PINK1: variants seen among roughly 807,000 people sequenced by gnomAD.
PINK1 encodes PTEN induced kinase 1, also known as serine/threonine-protein kinase PINK1, mitochondrial.
PINK1 carries 58 observed loss-of-function variants against 56.0 expected under a neutral mutation model. That is an observed-to-expected ratio of 1.04 (90% CI 0.84 to 1.29). PINK1 has a LOEUF of 1.29. PINK1 is among the 50% of genes most tolerant of loss of function. PINK1 has a pLI of 0.00. For synonymous variants in PINK1, 354 were observed against 339.3 expected, an observed-to-expected ratio of 1.04 and a Z score of -0.48; for missense variants, 745 against 777.9, an observed-to-expected ratio of 0.96 and a Z score of 0.50.
At chr1:20,645,061 T>C (rs1295967256) in intron 4 of PINK1, among the ~76,000 whole-genome samples, 2 of 152,264 alleles carry the variant, frequency 1.3e-5, no homozygotes, top group Middle Eastern at 3.4e-3. Context: ...TTACTTTGAA[T>C]ATAGGGAGCC....
chr1:20,650,382 G>A (rs562390614), intron 7 of PINK1, 52 bp from the exon 8 acceptor site: 1 of 1,609,978 alleles, frequency 6.2e-7, no homozygotes, highest in African/African-American at 1.3e-5. Flanking sequence ...CAGGCTTTGG[G>A]TTGAGACTGT....
In PINK1 at chr1:20,637,997, C is replaced by T. The variant is rs766307462; in HGVS notation, c.543C>T (p.Asn181=). 6.2e-7 allele frequency: 1 copy of T among 1,614,168 alleles called. No homozygotes were observed. The highest frequency in any genetic ancestry group is 1.7e-5 in the Admixed American group (1 of 60,016). Residue 181 remains asparagine (N), a synonymous_variant, in exon 2 of 8, where the codon AAC becomes AAT. Transcript: ENST00000321556. ...YEATMPTLPQ[N]LEVTKSTGLL... The stretch of plus-strand genomic sequence containing the variant: ...CCACCATGCCTACATTGCCCCAGAA[C>T]CTGGAGGTGACAAAGAGCACCGGGT...
intron 5 of PINK1, among the ~76,000 whole-genome samples, chr1:20,647,099 C>T (rs533059890): frequency 2.1e-5 from 3 of 140,444 alleles, no homozygotes; most frequent in African/African-American, 7.9e-5. Context: ...CTCTGTCACC[C>T]AGGCTGGAGT....
rs759849441 is a variant in PINK1 at position 20,638,004 on chromosome 1, G to C, written c.550G>C (p.Val184Leu). 1.2e-6 allele frequency: 2 copies of C among 1,614,174 alleles called. No individual in the cohort carries two copies. The highest frequency in any genetic ancestry group is 3.3e-5 in the Admixed American group (2 of 60,028). The change falls in exon 2 of 8, where the codon GTG (valine) becomes CTG (leucine). Residue 184 changes from valine to leucine, a missense_variant. Transcript: ENST00000321556. The stretch of plus-strand genomic sequence containing the variant: ...GCCTACATTGCCCCAGAACCTGGAG[G>C]TGACAAAGAGCACCGGGTTGCTTCC... The part of the protein sequence containing the change: ...TMPTLPQNLE[V>L]TKSTGLLPGR...
chr1:20,641,896 C>G lies in PINK1; in HGVS notation c.776+1904C>G, dbSNP rs192356923. 4.4e-4 allele frequency among the ~76,000 whole-genome samples: 67 copies of G among 152,292 alleles called. No individual in the cohort carries two copies. Among genetic ancestry groups the G allele is most frequent in the Non-Finnish European group, 8.1e-4 (55 of 68,024 alleles). On this transcript the variant is annotated intron_variant, in intron 3 of 7. Coordinates refer to ENST00000321556, the MANE Select transcript of PINK1 (RefSeq NM_032409.3). The surrounding 1 kb of genome is among the most constrained non-coding windows in gnomAD (Gnocchi z 4.0). ...CATTTCAGGTCTCAGTTCAGACACC[C>G]GCAACCCCACCATGTATCTCCCCAG...
At position 20,651,372 on chromosome 1, in the gene PINK1, CTGAAGG is replaced by C. The variant is rs2053275481; in HGVS notation, c.*685_*690del. ...TGGCTTTAAGAATGATTCTTATACT[CTGAAGG>C]TGAGAATATTTTGTGGGCAGGTATC... On this transcript the variant is annotated 3_prime_UTR_variant, in exon 8 of 8. Coordinates refer to ENST00000321556, the MANE Select transcript of PINK1 (RefSeq NM_032409.3). 6.6e-6 allele frequency: 1 copy of C among 152,038 alleles called. No individual in the cohort carries two copies. The highest frequency in any genetic ancestry group is 2.1e-4 in the South Asian group (1 of 4,828). The allele number at this position is 152,038 out of a possible 1,614,324, so 9.4% of individuals were successfully genotyped here. A position where few individuals can be genotyped will look rare whatever the true frequency, so the allele number is the denominator to read the frequency against.
chr1:20,637,457 G>A (rs2053067823), intron 1 of PINK1, among the ~76,000 whole-genome samples: 1 of 152,264 alleles, frequency 6.6e-6, no homozygotes, highest in South Asian at 2.1e-4. Context: ...ACACACTCCT[G>A]CTAGTTGCCC....
chr1:20,645,845 C>G, intron 5 of PINK1, 122 bp downstream of exon 5: 1 of 1,331,876 alleles, frequency 7.5e-7, no homozygotes, highest in Non-Finnish European at 1.1e-6. Flanking sequence ...TTATTTAGCT[C>G]CGCACACAAG....
At chr1:20,650,391 G>T in intron 7 of PINK1, 43 bp from the exon 8 acceptor site, 1 of 1,611,720 alleles carries the variant, frequency 6.2e-7, no homozygotes, top group South Asian at 1.1e-5. Flanking sequence ...GGTTGAGACT[G>T]TGTTAACAGA....
Position 20,644,593 on chromosome 1 carries a change from G to A in PINK1, c.880G>A (p.Asp294Asn), listed in dbSNP as rs373473255. ...GCCGCTGCTGCCAGGGGCCCTGGTC[G>A]ACTACCCTGATGTGCTGCCCTCACG... is the stretch of plus-strand genomic sequence containing the variant. The part of the protein sequence containing the change: ...SVPLLPGALV[D>N]YPDVLPSRLH... The change falls in exon 4 of 8, where the codon GAC (aspartate) becomes AAC (asparagine). Residue 294 changes from aspartate (D) to asparagine (N), a missense_variant. Coordinates refer to ENST00000321556, the MANE Select transcript of PINK1 (RefSeq NM_032409.3). 12 of 1,614,080 alleles carry A rather than the reference G, an allele frequency of 7.4e-6. No individual in the cohort carries two copies. The highest frequency in any genetic ancestry group is 2.7e-5 in the African/African-American group (2 of 74,932).
chr1:20,645,622 T>C lies in PINK1; in HGVS notation c.1022T>C (p.Met341Thr), dbSNP rs1244021484. ...ACACCCAGCCCCCGCCTCGCCGCCA[T>C]GATGCTGCTGCAGCTGCTGGAAGGC... ...VNTPSPRLAA[M>T]MLLQLLEGVD... The change falls in exon 5 of 8, where the codon ATG becomes ACG. Residue 341 changes from methionine to threonine, a missense_variant. Coordinates refer to ENST00000321556, the MANE Select transcript of PINK1 (RefSeq NM_032409.3). The C allele has an allele frequency of 6.2e-7, 1 of 1,614,022 alleles. No individual in the cohort carries two copies. The highest frequency in any genetic ancestry group is 1.7e-5 in the Admixed American group (1 of 60,012).
Position 20,633,702 on chromosome 1 carries a change from CCGGGCGCGGAGCCTCGCAGGGT to C in PINK1, c.160_181del (p.Ala54SerfsTer46). On this transcript the variant is annotated frameshift_variant, in exon 1 of 8. Transcript: ENST00000321556. LOFTEE classifies it high-confidence loss of function. ...GGAGCGTCCAGGCTGGGCCGCAGGACCGGGCGCGGAGCCTCGCAGGGTCGGGCTCGGGCTCCCTAACCGTCTC... is the reference window on the plus strand; with the variant it reads ...GGAGCGTCCAGGCTGGGCCGCAGGACCGGGCTCGGGCTCCCTAACCGTCTC... 3 of 1,513,746 alleles carry C rather than the reference CCGGGCGCGGAGCCTCGCAGGGT, an allele frequency of 2.0e-6. No homozygotes were observed. In the South Asian group the frequency reaches 3.7e-5, roughly 19 times the overall value. The allele number at this position is 1,513,746 out of a possible 1,614,324, so 93.8% of individuals were successfully genotyped here. A position where few individuals can be genotyped will look rare whatever the true frequency, so the allele number is the denominator to read the frequency against.
In PINK1 at chr1:20,644,561, C is replaced by G. The variant is rs761085380; in HGVS notation, c.848C>G (p.Ser283Cys). Residue 283 changes from serine (S) to cysteine (C), a missense_variant, in exon 4 of 8, where the codon TCT becomes TGT. Physicochemically the swap from Ser to Cys is moderately radical, Grantham distance 112. Transcript: ENST00000321556. The part of the protein sequence containing the change: ...NIIRVLRAFT[S>C]SVPLLPGALV... ...ATCCGGGTTCTCCGCGCCTTCACCT[C>G]TTCCGTGCCGCTGCTGCCAGGGGCC... 8.7e-6 allele frequency: 14 copies of G among 1,614,252 alleles called. No homozygotes were observed. Among genetic ancestry groups the G allele is most frequent in the Non-Finnish European group, 1.2e-5 (14 of 1,180,040 alleles).
chr1:20,648,565 G>A lies in PINK1; in HGVS notation c.1184G>A (p.Gly395Asp). ...TGCTGCCTGGCTGATGAGAGCATCG[G>A]CCTGCAGTTGCCCTTCAGCAGCTGG... is the stretch of plus-strand genomic sequence containing the variant. ...FGCCLADESI[G>D]LQLPFSSWYV... The change falls in exon 6 of 8, where the codon GGC becomes GAC. Residue 395 changes from glycine to aspartate, a missense_variant. Physicochemically the swap from Gly to Asp is moderately conservative, Grantham distance 94. Coordinates refer to ENST00000321556, the MANE Select transcript of PINK1 (RefSeq NM_032409.3). The A allele has an allele frequency of 6.2e-7, 1 of 1,614,156 alleles. No individual in the cohort carries two copies. Among genetic ancestry groups the A allele is most frequent in the Non-Finnish European group, 8.5e-7 (1 of 1,180,032 alleles).
intron 4 of PINK1, 82 bp from the exon 5 acceptor site, chr1:20,645,478 A>G: frequency 2.6e-4 from 331 of 1,276,240 alleles, no homozygotes; most frequent in Middle Eastern, 4.8e-4. Flanking sequence ...ACAGAGTGAG[A>G]CTCCATCTCA....
At chr1:20,649,285 G>A (rs532160261) in intron 7 of PINK1, 54 bp downstream of exon 7, 73 of 1,578,494 alleles carry the variant, frequency 4.6e-5, no homozygotes, top group East Asian at 6.7e-5. Context: ...CTCTGTTCTC[G>A]TTCCAGAGTG....
chr1:20,647,053 A>ATAT (rs770141390), intron 5 of PINK1, among the ~76,000 whole-genome samples: 1 of 91,436 alleles, frequency 1.1e-5, no homozygotes, highest in African/African-American at 4.3e-5. Context: ...CTAATTTTTG[A>ATAT]TTTTTTTTTT....
Position 20,650,458 on chromosome 1 carries a change from A to G in PINK1, c.1513A>G (p.Asn505Asp), listed in dbSNP as rs2053252151. ...GAGACCATCTGCCCGAGTAGCCGCA[A>G]ATGTGCTTCATCTAAGCCTCTGGGG... Reference protein sequence around the residue: ...SKRPSARVAANVLHLSLWGEH... With the variant: ...SKRPSARVAADVLHLSLWGEH... Residue 505 changes from asparagine to aspartate, a missense_variant, in exon 8 of 8, where the codon AAT (asparagine) becomes GAT (aspartate). Coordinates refer to ENST00000321556, the MANE Select transcript of PINK1 (RefSeq NM_032409.3). The G allele has an allele frequency of 6.2e-7, 1 of 1,613,994 alleles. No homozygotes were observed. Among genetic ancestry groups the G allele is most frequent in the Non-Finnish European group, 8.5e-7 (1 of 1,179,924 alleles).
At chr1:20,637,100 C>G (rs574246406) in intron 1 of PINK1, among the ~76,000 whole-genome samples, 2 of 152,290 alleles carry the variant, frequency 1.3e-5, no homozygotes, top group African/African-American at 4.8e-5. Flanking sequence ...TGCCTGGCAC[C>G]CAGGGGTGAC....
Sources: allele counts gnomAD v4.1 joint callset (sites outside exome capture counted in the v4.1 genomes callset), GRCh38; gene constraint gnomAD v4.1.1; non-coding constraint Gnocchi (gnomAD v3.1); transcripts MANE v1.5; gene names NCBI Gene and HGNC (gene_info 2026-07-23, HGNC 2026-07-21).